Variants in LSAMP observed in about 807,000 individuals in gnomAD.
LSAMP encodes the protein limbic system associated membrane protein, also known as limbic system-associated membrane protein.
In LSAMP, 7 loss-of-function variants were observed where a neutral mutation model predicts 38.6. The ratio of observed to expected loss-of-function variants is 0.18; its 90% CI spans 0.10 to 0.34. The LOEUF (loss-of-function observed/expected upper bound fraction) is 0.34. Among genes scored for constraint, LSAMP ranks in the 10% least tolerant of loss-of-function variants. The pLI is 1.00. For synonymous variants in LSAMP, 154 were observed against 166.8 expected, an observed-to-expected ratio of 0.92 and a Z score of 0.59; for missense variants, 313 against 420.0, an observed-to-expected ratio of 0.75 and a Z score of 2.23.
intron 1 of LSAMP, among the ~76,000 whole-genome samples, chr3:116,312,740 G>T (rs1317417937): frequency 9.9e-5 from 15 of 152,136 alleles, no homozygotes; most frequent in Admixed American, 9.8e-4. Context: ...GAGAGCGAAA[G>T]AAGCCACCAT....
chr3:115,968,919 C>T (rs995294947), intron 3 of LSAMP, among the ~76,000 whole-genome samples: 2 of 152,344 alleles, frequency 1.3e-5, no homozygotes, highest in African/African-American at 2.4e-5. Context: ...GACCTAAATG[C>T]TCCCTCCAGC....
At chr3:116,426,209 G>T (rs922359335) in intron 1 of LSAMP, among the ~76,000 whole-genome samples, 2 of 152,006 alleles carry the variant, frequency 1.3e-5, no homozygotes, top group Admixed American at 6.5e-5. Flanking sequence ...ACATGAGGCC[G>T]GGCGCCATGG....
At chr3:116,414,980 A>T (rs1349843601) in intron 1 of LSAMP, among the ~76,000 whole-genome samples, 1 of 151,974 alleles carries the variant, frequency 6.6e-6, no homozygotes, top group Non-Finnish European at 1.5e-5. Context: ...GTGGCTGACC[A>T]CAGCATGGTA....
intron 1 of LSAMP, among the ~76,000 whole-genome samples, chr3:116,259,562 A>C (rs929118490): frequency 6.6e-6 from 1 of 152,122 alleles, no homozygotes; most frequent in Admixed American, 6.5e-5. Context: ...TTGCTAGATT[A>C]CTTCTCTGTC....
At chr3:116,083,343 T>C (rs1323277401) in intron 2 of LSAMP, among the ~76,000 whole-genome samples, 1 of 152,204 alleles carries the variant, frequency 6.6e-6, no homozygotes, top group African/African-American at 2.4e-5. Flanking sequence ...ACTAGAGGTT[T>C]ACATAGATCA....
In LSAMP at chr3:116,412,730, T is replaced by C. The variant is rs1255321908; in HGVS notation, c.155+32147A>G. 5.3e-5 allele frequency among the ~76,000 whole-genome samples: 8 copies of C among 152,120 alleles called. No homozygotes were observed. In the East Asian group the frequency reaches 1.5e-3, roughly 29 times the overall value. On this transcript the variant is annotated intron_variant, in intron 1 of 6. Transcript: ENST00000490035. ...TTAATGTTATTATTTAACATCGTTA[T>C]GGTTTGGTGACTTTCTGAACCTTTC...
At chr3:116,146,046 AT>A (rs1045820055) in intron 1 of LSAMP, among the ~76,000 whole-genome samples, 2 of 151,674 alleles carry the variant, frequency 1.3e-5, no homozygotes, top group Non-Finnish European at 2.9e-5. Flanking sequence ...TCACACAAGA[AT>A]TTTTTTTCCC....
intron 1 of LSAMP, among the ~76,000 whole-genome samples, chr3:116,263,991 G>A (rs750706103): frequency 5.3e-5 from 8 of 152,170 alleles, no homozygotes; most frequent in East Asian, 1.9e-4. Context: ...TAGAGGCTTC[G>A]TCTGAAAGTG....
chr3:116,116,822 G>T (rs900594643), intron 1 of LSAMP, among the ~76,000 whole-genome samples: 25 of 152,172 alleles, frequency 1.6e-4, no homozygotes, highest in Admixed American at 1.3e-3. Flanking sequence ...CTACGGTGAG[G>T]CCGCTGTACT....
intron 1 of LSAMP, among the ~76,000 whole-genome samples, chr3:116,347,004 A>T (rs1384926980): frequency 6.6e-6 from 1 of 152,192 alleles, no homozygotes; most frequent in Non-Finnish European, 1.5e-5. Flanking sequence ...AATTTTGAAA[A>T]ATATACAAAT....
rs563381547 is a variant in LSAMP at position 115,922,569 on chromosome 3, A to G, written c.515-69952T>C. On this transcript the variant is annotated intron_variant, in intron 3 of 6. Transcript: ENST00000490035. ...CCATTTTTAAATTATTAATTTCTGA[A>G]GATTTATATTGTTTCTTTCCTTGGG... is the stretch of plus-strand genomic sequence containing the variant. Among the ~76,000 whole-genome samples, 10 of 151,926 alleles carry G rather than the reference A, an allele frequency of 6.6e-5. 1 individual carries two copies. In the South Asian group the frequency reaches 2.1e-3, roughly 32 times the overall value.
chr3:116,390,763 A>AAG (rs1190136144), intron 1 of LSAMP, among the ~76,000 whole-genome samples: 68 of 142,950 alleles, frequency 4.8e-4, no homozygotes, highest in African/African-American at 1.8e-3. Flanking sequence ...AAAAAAAAAA[A>AAG]GGCAAGGAAC....
chr3:116,199,951 G>T (rs908400447), intron 1 of LSAMP, among the ~76,000 whole-genome samples: 1 of 152,112 alleles, frequency 6.6e-6, no homozygotes, highest in African/African-American at 2.4e-5. Context: ...ACTTAAAAAT[G>T]CTTGACAAAT....
chr3:116,384,191 C>A (rs2048596614), intron 1 of LSAMP, among the ~76,000 whole-genome samples: 1 of 152,098 alleles, frequency 6.6e-6, no homozygotes, highest in South Asian at 2.1e-4. Context: ...AAATACCACA[C>A]CAGTATCCTC....
At chr3:116,241,036 G>A (rs2046526001) in intron 1 of LSAMP, among the ~76,000 whole-genome samples, 1 of 151,978 alleles carries the variant, frequency 6.6e-6, no homozygotes, top group East Asian at 1.9e-4. Flanking sequence ...AATTAGCCGG[G>A]CATGGTGGCG....
intron 2 of LSAMP, among the ~76,000 whole-genome samples, chr3:116,069,662 T>C (rs1707552734): frequency 6.6e-6 from 1 of 152,092 alleles, no homozygotes. Flanking sequence ...AAGAGATAAA[T>C]GGAATGGAGA....
At chr3:116,407,043 C>G (rs1375642484) in intron 1 of LSAMP, among the ~76,000 whole-genome samples, 2 of 151,990 alleles carry the variant, frequency 1.3e-5, no homozygotes, top group Admixed American at 1.3e-4. Context: ...TAACTTTCTG[C>G]CTTCACTAAT....
chr3:116,372,932 C>T (rs1048793838), intron 1 of LSAMP, among the ~76,000 whole-genome samples: 5 of 150,482 alleles, frequency 3.3e-5, no homozygotes, highest in African/African-American at 4.9e-5. Flanking sequence ...AATTTTGCAC[C>T]GGTGGTAGGA....
At chr3:116,112,377 A>G (rs903322743) in intron 1 of LSAMP, among the ~76,000 whole-genome samples, 1 of 152,236 alleles carries the variant, frequency 6.6e-6, no homozygotes, top group Non-Finnish European at 1.5e-5. Flanking sequence ...ACAGTTTAAC[A>G]TAGCCAGCTA....
Sources: gnomAD v4.1 joint callset for allele counts (sites outside exome capture counted in the v4.1 genomes callset) on GRCh38, gnomAD v4.1.1 for gene constraint, MANE v1.5 for transcripts, NCBI Gene and HGNC (gene_info 2026-07-23, HGNC 2026-07-21) for gene names.